VAV1: variants seen among roughly 807,000 people sequenced by gnomAD.
VAV1 encodes proto-oncogene vav.
In VAV1, 33 loss-of-function variants were observed where a neutral mutation model predicts 128.1. That is an observed-to-expected ratio of 0.26 (90% CI 0.20 to 0.34). VAV1 has a LOEUF of 0.34. VAV1 is among the 10% of genes least tolerant of loss of function. VAV1 has a pLI of 1.00. For synonymous variants in VAV1, 394 were observed against 409.8 expected, an observed-to-expected ratio of 0.96 and a Z score of 0.47; for missense variants, 715 against 1,093.7, an observed-to-expected ratio of 0.65 and a Z score of 4.88.
At chr19:6,819,721 G>C (rs1465602807) in intron 1 of VAV1, among the ~76,000 whole-genome samples, 1 of 152,144 alleles carries the variant, frequency 6.6e-6, no homozygotes, top group Non-Finnish European at 1.5e-5. Flanking sequence ...TGGGGGTTGT[G>C]GGAGAGGCCA....
At chr19:6,780,048 T>C (rs1006802043) in intron 1 of VAV1, among the ~76,000 whole-genome samples, 1 of 147,624 alleles carries the variant, frequency 6.8e-6, no homozygotes, top group African/African-American at 2.5e-5. Context: ...GAGGCGGAGC[T>C]TGCAGTGAGC....
intron 1 of VAV1, among the ~76,000 whole-genome samples, chr19:6,814,641 T>C (rs999885380): frequency 1.4e-5 from 1 of 69,814 alleles, no homozygotes; most frequent in Non-Finnish European, 2.5e-5. Flanking sequence ...CTTTCTCTCC[T>C]TCCTTCCTTC....
intron 1 of VAV1, among the ~76,000 whole-genome samples, chr19:6,802,018 G>C (rs991561390): frequency 8.9e-5 from 8 of 89,482 alleles, no homozygotes; most frequent in Admixed American, 8.2e-4. Flanking sequence ...CCCCAGCAGG[G>C]AGGAACCGTC....
Position 6,836,402 on chromosome 19 carries a change from C to T in VAV1, c.1778-30C>T, listed in dbSNP as rs374535258. 6 of 1,589,600 alleles carry T rather than the reference C, an allele frequency of 3.8e-6. No individual in the cohort carries two copies. In the African/African-American group the frequency reaches 5.4e-5, roughly 14 times the overall value. ...TCAGGGTTGAAAGTTGACTGCCAAC[C>T]ACCCTGTACTCCTGTACCCTGTCCT... On this transcript the variant is annotated intron_variant, in intron 19 of 26. Transcript: ENST00000602142.
At chr19:6,841,314 C>T (rs1259997871) in intron 21 of VAV1, among the ~76,000 whole-genome samples, 1 of 152,068 alleles carries the variant, frequency 6.6e-6, no homozygotes, top group African/African-American at 2.4e-5. Flanking sequence ...TCAACTTTTG[C>T]GTATTGTGAA....
intron 14 of VAV1, 47 bp downstream of exon 14, chr19:6,829,965 G>T: frequency 1.2e-6 from 2 of 1,611,454 alleles, no homozygotes; most frequent in Non-Finnish European, 1.7e-6. Context: ...GCAGTCGGCA[G>T]CTTAGCCCTC....
At position 6,857,109 on chromosome 19, in the gene VAV1, C is replaced by A. The variant is rs1747972023; in HGVS notation, c.*2C>A. 3.7e-6 allele frequency: 6 copies of A among 1,614,050 alleles called. No individual in the cohort carries two copies. The highest frequency in any genetic ancestry group is 4.2e-6 in the Non-Finnish European group (5 of 1,179,990). On this transcript the variant is annotated 3_prime_UTR_variant, in exon 27 of 27. Coordinates refer to ENST00000602142, the MANE Select transcript of VAV1 (RefSeq NM_005428.4). ...GAAGATTATTCTGAATACTGCTGAG[C>A]CCTGGTGCCTTGGCAGAGAGACGAG...
chr19:6,850,680 G>A lies in VAV1; in HGVS notation c.2140G>A (p.Glu714Lys). The A allele has an allele frequency of 1.2e-6, 2 of 1,613,952 alleles. No individual in the cohort carries two copies. Among genetic ancestry groups the A allele is most frequent in the Non-Finnish European group, 1.7e-6 (2 of 1,179,982 alleles). The change falls in exon 24 of 27, where the codon GAG (glutamate) becomes AAG (lysine). Residue 714 changes from glutamate to lysine, a missense_variant. Glu to Lys is a moderately conservative substitution (Grantham distance 56). Transcript: ENST00000602142. ...EFAISIKYNVEVKHIKIMTAE... is the reference protein window; with the variant it reads ...EFAISIKYNVKVKHIKIMTAE... Reference sequence around the variant, plus strand: ...ACCATCTGGTTCCAGATATAACGTCGAGGTCAAGCACATTAAAATCATGAC... The same window carrying A: ...ACCATCTGGTTCCAGATATAACGTCAAGGTCAAGCACATTAAAATCATGAC...
chr19:6,819,872 C>CTTTCTT (rs1247579044), intron 1 of VAV1, among the ~76,000 whole-genome samples: 1 of 152,224 alleles, frequency 6.6e-6, no homozygotes, highest in Non-Finnish European at 1.5e-5. Context: ...AGGTTTCTTT[C>CTTTCTT]TTTCTTTTTC....
At chr19:6,848,464 A>T (rs1164086377) in intron 23 of VAV1, among the ~76,000 whole-genome samples, 1 of 148,804 alleles carries the variant, frequency 6.7e-6, no homozygotes, top group Non-Finnish European at 1.5e-5. Flanking sequence ...GCTGGAGTGC[A>T]GTGGTGAGAT....
chr19:6,773,839 T>A (rs943032317), intron 1 of VAV1, among the ~76,000 whole-genome samples: 1 of 152,064 alleles, frequency 6.6e-6, no homozygotes, highest in Non-Finnish European at 1.5e-5. Flanking sequence ...TCATGTCTGG[T>A]TCCCCAGGGC....
chr19:6,790,108 G>A (rs900961203), intron 1 of VAV1, among the ~76,000 whole-genome samples: 4 of 152,192 alleles, frequency 2.6e-5, no homozygotes, highest in African/African-American at 7.2e-5. Context: ...AGCCCAGGAG[G>A]TGGAGGTTGC....
intron 1 of VAV1, among the ~76,000 whole-genome samples, chr19:6,793,933 T>C (rs1471340054): frequency 6.6e-6 from 1 of 152,196 alleles, no homozygotes; most frequent in Non-Finnish European, 1.5e-5. Flanking sequence ...ATTAAATGAT[T>C]GATAAATAAA....
chr19:6,839,428 G>C (rs192500567), intron 21 of VAV1, among the ~76,000 whole-genome samples: 4 of 151,696 alleles, frequency 2.6e-5, no homozygotes, highest in African/African-American at 9.7e-5. Flanking sequence ...CACCACACCT[G>C]GCTAATTTTT....
Position 6,806,641 on chromosome 19 carries a change from G to A in VAV1, c.205-14061G>A, listed in dbSNP as rs578021110. On this transcript the variant is annotated intron_variant, in intron 1 of 26. Coordinates refer to ENST00000602142, the MANE Select transcript of VAV1 (RefSeq NM_005428.4). ...CAGCGGAGAGTAAATCACTGTCCCA[G>A]AAGCTGGAGCTTAAGATCCGGGATT... 1.7e-4 allele frequency among the ~76,000 whole-genome samples: 26 copies of A among 152,282 alleles called. No homozygotes were observed. In the East Asian group the frequency reaches 5.0e-3, roughly 29 times the overall value.
intron 1 of VAV1, among the ~76,000 whole-genome samples, chr19:6,817,711 G>A (rs181279029): frequency 6.6e-6 from 1 of 151,960 alleles, no homozygotes; most frequent in East Asian, 1.9e-4. Flanking sequence ...TTCTGAGATG[G>A]GGTCTCGCTC....
At position 6,777,232 on chromosome 19, in the gene VAV1, ACTATCCAT is replaced by A. The variant is rs1227453228; in HGVS notation, c.204+4223_204+4230del. Among the ~76,000 whole-genome samples the A allele has an allele frequency of 4.4e-5, 5 of 114,768 alleles. No homozygotes were observed. In the South Asian group the frequency reaches 8.9e-4, roughly 20 times the overall value. 75.3% of individuals were successfully genotyped at this position (114,768 alleles called of 152,430 possible). ...ATTCATCCATCCATTTATCTGTTTA[ACTATCCAT>A]CCATCCATCCATCCATCCATCCATC... On this transcript the variant is annotated intron_variant, in intron 1 of 26. Transcript: ENST00000602142. The surrounding 1 kb of genome is among the most constrained non-coding windows in gnomAD (Gnocchi z 4.4).
intron 1 of VAV1, among the ~76,000 whole-genome samples, chr19:6,815,058 G>A (rs1304530612): frequency 2.0e-5 from 3 of 152,030 alleles, no homozygotes; most frequent in Admixed American, 2.0e-4. Context: ...CAGGTCTTGG[G>A]TCAGAGCCTT....
chr19:6,824,757 C>G (rs1971875389), intron 6 of VAV1, among the ~76,000 whole-genome samples: 1 of 152,120 alleles, frequency 6.6e-6, no homozygotes, highest in Admixed American at 6.6e-5. Flanking sequence ...GTCTTGAACT[C>G]CTGACCTCGT....
Sources: allele counts gnomAD v4.1 joint callset (sites outside exome capture counted in the v4.1 genomes callset), GRCh38; gene constraint gnomAD v4.1.1; non-coding constraint Gnocchi (gnomAD v3.1); transcripts MANE v1.5; gene names NCBI Gene and HGNC (gene_info 2026-07-23, HGNC 2026-07-21).